Variants in LMX1A observed in about 807,000 individuals in gnomAD.
The protein encoded by LMX1A is LIM homeobox transcription factor 1-alpha.
LMX1A carries 15 observed loss-of-function variants against 49.1 expected under a neutral mutation model. The observed-to-expected ratio is 0.31, with a 90% CI of 0.20 to 0.47. The LOEUF is 0.47. Ranked by LOEUF, LMX1A falls within the 20% of genes least tolerant of loss-of-function variation. LMX1A has a pLI of 1.00. For synonymous variants in LMX1A, 167 were observed against 185.7 expected (o/e 0.90, Z 0.82); for missense variants, 372 against 475.8 (o/e 0.78, Z 2.03).
chr1:165,329,899 CTG>C (rs1406668899), intron 3 of LMX1A, among the ~76,000 whole-genome samples: 3 of 152,196 alleles, frequency 2.0e-5, no homozygotes, highest in Non-Finnish European at 4.4e-5. Context: ...TATGGACTAT[CTG>C]TGTGGCCCAG....
At chr1:165,349,594 T>C (rs1656354273) in intron 3 of LMX1A, among the ~76,000 whole-genome samples, 1 of 151,698 alleles carries the variant, frequency 6.6e-6, no homozygotes, top group African/African-American at 2.4e-5. Context: ...AGTAAATCAG[T>C]GTTCTACACT....
chr1:165,307,467 C>T (rs1307102616), intron 3 of LMX1A, among the ~76,000 whole-genome samples: 1 of 152,210 alleles, frequency 6.6e-6, no homozygotes, highest in African/African-American at 2.4e-5. Flanking sequence ...CACAGTACAA[C>T]TTGGGATAGT....
At chr1:165,283,837 G>A (rs944906560) in intron 3 of LMX1A, among the ~76,000 whole-genome samples, 12 of 152,136 alleles carry the variant, frequency 7.9e-5, no homozygotes, top group Admixed American at 7.2e-4. Flanking sequence ...CACATCAGGC[G>A]GGTTGTCCTC....
intron 3 of LMX1A, among the ~76,000 whole-genome samples, chr1:165,266,619 T>TTTTTC (rs1653628733): frequency 7.1e-6 from 1 of 140,354 alleles, no homozygotes; most frequent in Non-Finnish European, 1.6e-5. Context: ...TTTTTTTTTT[T>TTTTTC]GAGACAGGGT....
chr1:165,353,332 C>T, intron 2 of LMX1A, 70 bp from the exon 3 acceptor site: 1 of 1,317,618 alleles, frequency 7.6e-7, no homozygotes, highest in South Asian at 1.3e-5. Context: ...TGGCCGGGAC[C>T]CGCTCCTGAT....
chr1:165,297,947 A>T (rs1329274396), intron 3 of LMX1A, among the ~76,000 whole-genome samples: 1 of 152,278 alleles, frequency 6.6e-6, no homozygotes, highest in Non-Finnish European at 1.5e-5. Flanking sequence ...CTTCAATGTG[A>T]CAATGTATGT....
chr1:165,347,916 G>C (rs1656297307), intron 3 of LMX1A, among the ~76,000 whole-genome samples: 1 of 147,058 alleles, frequency 6.8e-6, no homozygotes, highest in South Asian at 2.2e-4. Context: ...TAATGAAATA[G>C]TTGGAATTGT....
chr1:165,318,999 T>TCTCTCACACACA (rs1444303214), intron 3 of LMX1A, among the ~76,000 whole-genome samples: 10 of 117,754 alleles, frequency 8.5e-5, no homozygotes, highest in African/African-American at 3.5e-4. Context: ...TCTCTCTCTC[T>TCTCTCACACACA]CACACACACA....
At chr1:165,263,969 A>G (rs1653536436) in intron 3 of LMX1A, among the ~76,000 whole-genome samples, 1 of 152,218 alleles carries the variant, frequency 6.6e-6, no homozygotes, top group Non-Finnish European at 1.5e-5. Flanking sequence ...TGCTGAATGA[A>G]GAAGGTTATC....
At chr1:165,288,353 G>A (rs1654355556) in intron 3 of LMX1A, among the ~76,000 whole-genome samples, 1 of 152,200 alleles carries the variant, frequency 6.6e-6, no homozygotes, top group African/African-American at 2.4e-5. Flanking sequence ...GAAGAGGCAG[G>A]AATGTTTCTG....
At chr1:165,297,345 G>A (rs1654645575) in intron 3 of LMX1A, among the ~76,000 whole-genome samples, 1 of 152,228 alleles carries the variant, frequency 6.6e-6, no homozygotes, top group Non-Finnish European at 1.5e-5. Context: ...ATTGGTCTAG[G>A]CAGGGGCTAG....
chr1:165,275,098 T>A (rs1025928229), intron 3 of LMX1A, among the ~76,000 whole-genome samples: 42 of 152,294 alleles, frequency 2.8e-4, no homozygotes, highest in African/African-American at 6.7e-4. Context: ...CTGGAGTTAA[T>A]GATGAAAGGA....
At chr1:165,244,809 A>T (rs751487761) in intron 4 of LMX1A, among the ~76,000 whole-genome samples, 2 of 151,930 alleles carry the variant, frequency 1.3e-5, no homozygotes, top group Non-Finnish European at 2.9e-5. Flanking sequence ...GAAGTTTGTA[A>T]ATGTTGGGGA....
chr1:165,284,170 G>A (rs1240732368), intron 3 of LMX1A, among the ~76,000 whole-genome samples: 3 of 152,230 alleles, frequency 2.0e-5, no homozygotes, highest in African/African-American at 7.2e-5. Flanking sequence ...TCTCATCTGC[G>A]AGATGACTGT....
chr1:165,342,033 A>C (rs1467779746), intron 3 of LMX1A, among the ~76,000 whole-genome samples: 1 of 152,256 alleles, frequency 6.6e-6, no homozygotes, highest in Non-Finnish European at 1.5e-5. Flanking sequence ...AAATTCAGAC[A>C]CATATTTCAT....
intron 3 of LMX1A, among the ~76,000 whole-genome samples, chr1:165,270,045 TA>T (rs901406248): frequency 7.3e-5 from 11 of 151,436 alleles, no homozygotes; most frequent in African/African-American, 1.2e-4. Context: ...CCCCAAAACT[TA>T]AAAAAAATAT....
intron 3 of LMX1A, among the ~76,000 whole-genome samples, chr1:165,258,215 C>T (rs903468752): frequency 3.3e-5 from 5 of 152,192 alleles, no homozygotes; most frequent in African/African-American, 1.2e-4. Context: ...AACTGTCTGC[C>T]GGAAAATCTG....
At chr1:165,264,509 A>G (rs1047927842) in intron 3 of LMX1A, among the ~76,000 whole-genome samples, 2 of 152,174 alleles carry the variant, frequency 1.3e-5, no homozygotes, top group Non-Finnish European at 2.9e-5. Flanking sequence ...TTTTTATAAC[A>G]GCCCCTCCCA....
intron 3 of LMX1A, among the ~76,000 whole-genome samples, chr1:165,320,975 A>G (rs1227037733): frequency 2.0e-5 from 3 of 152,234 alleles, no homozygotes; most frequent in Non-Finnish European, 4.4e-5. Flanking sequence ...AGTAGCCAAA[A>G]AAAGTTAAAA....
Sources: allele counts gnomAD v4.1 joint callset (sites outside exome capture counted in the v4.1 genomes callset), GRCh38; gene constraint gnomAD v4.1.1; transcripts MANE v1.5; gene names NCBI Gene and HGNC (gene_info 2026-07-23, HGNC 2026-07-21).